CFAP91: variants seen among roughly 807,000 people sequenced by gnomAD.
CFAP91 encodes the protein cilia- and flagella-associated protein 91.
Under a neutral mutation model 95.9 loss-of-function variants are expected in CFAP91, and 85 were observed. The ratio of observed to expected loss-of-function variants is 0.89; its 90% confidence interval spans 0.74 to 1.06. The LOEUF (loss-of-function observed/expected upper bound fraction) is 1.06. Ranked by LOEUF, CFAP91 falls within the 50% of genes least tolerant of loss-of-function variation. The pLI, the probability that CFAP91 is intolerant of heterozygous loss-of-function variation, is 0.00. For synonymous variants in CFAP91, 335 were observed against 327.5 expected, an observed-to-expected ratio of 1.02 and a Z score of -0.25; for missense variants, 962 against 943.4, an observed-to-expected ratio of 1.02 and a Z score of -0.26.
chr3:119,728,240 T>G (rs550113717), intron 7 of CFAP91, among the ~76,000 whole-genome samples: 1 of 152,260 alleles, frequency 6.6e-6, no homozygotes, highest in South Asian at 2.1e-4. Context: ...CAGATGATGT[T>G]CTAAGCATGT....
intron 8 of CFAP91, among the ~76,000 whole-genome samples, chr3:119,731,310 T>TA (rs2053892342): frequency 6.6e-6 from 1 of 152,318 alleles, no homozygotes; most frequent in African/African-American, 2.4e-5. Flanking sequence ...AATCACATTT[T>TA]AAAAAATCAT....
At chr3:119,743,825 A>G (rs1045314889) in intron 13 of CFAP91, 150 bp from the exon 14 acceptor site, 1 of 682,904 alleles carries the variant, frequency 1.5e-6, no homozygotes, top group East Asian at 2.8e-5. Context: ...CTTGGGTTGG[A>G]GCCAATTGAG....
intron 12 of CFAP91, among the ~76,000 whole-genome samples, chr3:119,739,996 T>C (rs1475993947): frequency 2.6e-5 from 4 of 152,222 alleles, no homozygotes; most frequent in Non-Finnish European, 4.4e-5. Flanking sequence ...TGGACTGATA[T>C]AAAGCCCCAG....
chr3:119,737,766 AAG>A (rs1481965666), intron 11 of CFAP91, among the ~76,000 whole-genome samples: 12 of 152,262 alleles, frequency 7.9e-5, no homozygotes, highest in Non-Finnish European at 1.8e-4. Context: ...GAAATAGAAA[AAG>A]AAGATTGAGT....
intron 17 of CFAP91, among the ~76,000 whole-genome samples, 199 bp from the exon 18 acceptor site, chr3:119,764,853 A>T (rs2054601132): frequency 6.6e-6 from 1 of 152,148 alleles, no homozygotes; most frequent in South Asian, 2.1e-4. Context: ...TAGAATTTGG[A>T]AACTGACACA....
intron 7 of CFAP91, among the ~76,000 whole-genome samples, chr3:119,728,656 T>C (rs2053831939): frequency 6.6e-6 from 1 of 152,162 alleles, no homozygotes; most frequent in Non-Finnish European, 1.5e-5. Context: ...CCCTCTCAAG[T>C]GCATTCACTC....
At chr3:119,728,371 G>A (rs775696262) in intron 7 of CFAP91, among the ~76,000 whole-genome samples, 2 of 152,160 alleles carry the variant, frequency 1.3e-5, no homozygotes, top group Non-Finnish European at 2.9e-5. Flanking sequence ...CCAGCAATCT[G>A]TGTCAGAACC....
intron 4 of CFAP91, among the ~76,000 whole-genome samples, chr3:119,709,024 G>C (rs1304744140): frequency 1.3e-5 from 2 of 152,220 alleles, no homozygotes; most frequent in Non-Finnish European, 2.9e-5. Flanking sequence ...GTCATCAAAT[G>C]AACGACACAC....
chr3:119,738,595 T>G (rs1159587313), intron 11 of CFAP91, among the ~76,000 whole-genome samples: 1 of 151,978 alleles, frequency 6.6e-6, no homozygotes, highest in Non-Finnish European at 1.5e-5. Context: ...GTGATCCACC[T>G]GCCCTGGCCT....
Position 119,726,361 on chromosome 3 carries a change from T to C in CFAP91, c.860+13T>C, listed in dbSNP as rs2053784139. 1.2e-6 allele frequency: 2 copies of C among 1,603,076 alleles called. No individual in the cohort carries two copies. Among genetic ancestry groups the C allele is most frequent in the African/African-American group, 2.7e-5 (2 of 74,574 alleles). On this transcript the variant is annotated intron_variant, in intron 7 of 17. Coordinates refer to ENST00000273390, the MANE Select transcript of CFAP91 (RefSeq NM_033364.4). Reference sequence around the variant, plus strand: ...AGGAGATTGAAAAGTAGGTTCTCTATCACCCAGACAACTGTTCCTGCACTG... The same window carrying C: ...AGGAGATTGAAAAGTAGGTTCTCTACCACCCAGACAACTGTTCCTGCACTG...
chr3:119,726,576 C>T (rs929309858), intron 7 of CFAP91, among the ~76,000 whole-genome samples: 1 of 152,140 alleles, frequency 6.6e-6, no homozygotes, highest in African/African-American at 2.4e-5. Flanking sequence ...AGAATGCCCT[C>T]TGTGTGTTTG....
chr3:119,759,897 T>G (rs1432454938), intron 17 of CFAP91, among the ~76,000 whole-genome samples: 1 of 151,274 alleles, frequency 6.6e-6, no homozygotes, highest in African/African-American at 2.4e-5. Flanking sequence ...AGGTGAAGAG[T>G]AAGAAATCAA....
intron 7 of CFAP91, among the ~76,000 whole-genome samples, chr3:119,728,053 A>C (rs1396458988): frequency 1.3e-5 from 2 of 152,052 alleles, no homozygotes; most frequent in African/African-American, 2.4e-5. Flanking sequence ...GATGATGATT[A>C]GTGGACTATA....
intron 10 of CFAP91, 68 bp from the exon 11 acceptor site, chr3:119,737,298 C>A: frequency 1.0e-6 from 1 of 962,522 alleles, no homozygotes; most frequent in Non-Finnish European, 1.6e-6. Flanking sequence ...AAAAACTGCA[C>A]TTTTACCTCT....
In CFAP91 at chr3:119,717,550, G is replaced by GGTTTTT. The variant is rs1553706268; in HGVS notation, c.682+1807_682+1808insGTTTTT. 5.4e-5 allele frequency among the ~76,000 whole-genome samples: 7 copies of GGTTTTT among 130,192 alleles called. 2 individuals carry two copies. The highest frequency in any genetic ancestry group is 4.9e-5 in the Non-Finnish European group (3 of 61,440). The allele number at this position is 130,192 out of a possible 152,430, so 85.4% of individuals were successfully genotyped here. On this transcript the variant is annotated intron_variant, in intron 6 of 17. Transcript: ENST00000273390. ...AATATCTGTTAAGTAAAATACGTTG[G>GGTTTTT]TTTTTTTTTTTTTTTTTTTCACAAA...
chr3:119,723,728 G>A (rs138597575), intron 6 of CFAP91, among the ~76,000 whole-genome samples: 6 of 152,264 alleles, frequency 3.9e-5, no homozygotes, highest in South Asian at 2.1e-4. Context: ...ACAAAAATAC[G>A]AGGTTCAGAC....
chr3:119,738,485 A>G (rs528037377), intron 11 of CFAP91, among the ~76,000 whole-genome samples: 2 of 151,184 alleles, frequency 1.3e-5, no homozygotes, highest in African/African-American at 4.8e-5. Flanking sequence ...AGTAGCTGGA[A>G]CTACAGGCAT....
chr3:119,737,067 T>A (rs919867778), intron 10 of CFAP91, among the ~76,000 whole-genome samples: 19 of 152,276 alleles, frequency 1.2e-4, no homozygotes, highest in African/African-American at 4.6e-4. Flanking sequence ...GGTTAATATA[T>A]TTTTAGGAAT....
At chr3:119,711,089 A>G (rs534575875) in intron 5 of CFAP91, among the ~76,000 whole-genome samples, 1 of 152,356 alleles carries the variant, frequency 6.6e-6, no homozygotes, top group Admixed American at 6.5e-5. Context: ...CATTTAAAGA[A>G]TATAGTTATT....
Sources: allele counts gnomAD v4.1 joint callset (sites outside exome capture counted in the v4.1 genomes callset), GRCh38; gene constraint gnomAD v4.1.1; transcripts MANE v1.5; gene names NCBI Gene and HGNC (gene_info 2026-07-23, HGNC 2026-07-21).